TMEM178B: variants seen among roughly 807,000 people sequenced by gnomAD.
TMEM178B encodes the protein transmembrane protein 178B.
Under a neutral mutation model 31.0 loss-of-function variants are expected in TMEM178B, and 5 were observed. The observed-to-expected ratio is 0.16, with a 90% CI of 0.08 to 0.34. TMEM178B has a LOEUF of 0.34. TMEM178B is among the 10% of genes least tolerant of loss of function. TMEM178B has a pLI of 1.00. For missense variants in TMEM178B, 275 were observed against 400.3 expected (o/e 0.69, Z 2.67); for synonymous variants, 164 against 164.0 (o/e 1.00, Z 0.00).
At chr7:141,373,564 A>T (rs1800155902) in intron 2 of TMEM178B, among the ~76,000 whole-genome samples, 1 of 152,226 alleles carries the variant, frequency 6.6e-6, no homozygotes, top group African/African-American at 2.4e-5. Flanking sequence ...GCCTTTGCCA[A>T]CTTATGAGGT....
chr7:141,330,881 G>T (rs1309826036), intron 2 of TMEM178B, among the ~76,000 whole-genome samples: 1 of 152,236 alleles, frequency 6.6e-6, no homozygotes, highest in African/African-American at 2.4e-5. Context: ...GACCAGGAAG[G>T]TAGCAGTGGA....
At chr7:141,272,234 A>C (rs1015758639) in intron 2 of TMEM178B, among the ~76,000 whole-genome samples, 1 of 152,184 alleles carries the variant, frequency 6.6e-6, no homozygotes, top group Non-Finnish European at 1.5e-5. Flanking sequence ...ATACATTCCC[A>C]CATAGTGTTA....
chr7:141,432,746 A>G (rs1206010052), intron 2 of TMEM178B, among the ~76,000 whole-genome samples: 2 of 152,176 alleles, frequency 1.3e-5, no homozygotes, highest in African/African-American at 4.8e-5. Context: ...TTGTTTCTGC[A>G]CACTGTTTTT....
At chr7:141,114,897 A>G (rs2129175615) in intron 1 of TMEM178B, among the ~76,000 whole-genome samples, 1 of 152,318 alleles carries the variant, frequency 6.6e-6, no homozygotes, top group South Asian at 2.1e-4. Flanking sequence ...TTACTTTAGA[A>G]TGTCTTGTAT....
chr7:141,455,938 G>A (rs985965926), intron 3 of TMEM178B, among the ~76,000 whole-genome samples: 1 of 152,236 alleles, frequency 6.6e-6, no homozygotes, highest in African/African-American at 2.4e-5. Context: ...CATGGCATTG[G>A]CTTGAATCAG....
chr7:141,366,656 T>C (rs1228694584), intron 2 of TMEM178B, among the ~76,000 whole-genome samples: 3 of 152,166 alleles, frequency 2.0e-5, no homozygotes, highest in African/African-American at 7.2e-5. Flanking sequence ...TGTTTAGTTT[T>C]CTATAACTTT....
Position 141,478,074 on chromosome 7 carries a change from G to T in TMEM178B, c.*7288G>T, listed in dbSNP as rs997288612. On this transcript the variant is annotated 3_prime_UTR_variant, in exon 4 of 4. Coordinates refer to ENST00000565468, the MANE Select transcript of TMEM178B (RefSeq NM_001195278.2). ...ATAAATGTGGCTTGCAGTGTCAGAA[G>T]CAGGGAGTCTGGCCAAGGGTTGCTA... 2.0e-5 allele frequency: 3 copies of T among 152,784 alleles called. No homozygotes were observed. Among genetic ancestry groups the T allele is most frequent in the Non-Finnish European group, 2.9e-5 (2 of 68,214 alleles). 9.5% of individuals were successfully genotyped at this position (152,784 alleles called of 1,614,324 possible).
intron 1 of TMEM178B, among the ~76,000 whole-genome samples, chr7:141,198,126 G>A (rs949005030): frequency 1.3e-5 from 2 of 152,190 alleles, no homozygotes; most frequent in Non-Finnish European, 2.9e-5. Context: ...AAGGAAAAGT[G>A]GAAAACTCAG....
chr7:141,298,882 G>A (rs1239370145), intron 2 of TMEM178B, among the ~76,000 whole-genome samples: 1 of 152,224 alleles, frequency 6.6e-6, no homozygotes, highest in East Asian at 1.9e-4. Flanking sequence ...GAAAGATATG[G>A]AGAGATCACC....
intron 2 of TMEM178B, among the ~76,000 whole-genome samples, chr7:141,307,213 A>G (rs926815059): frequency 1.3e-5 from 2 of 152,292 alleles, no homozygotes; most frequent in Non-Finnish European, 2.9e-5. Flanking sequence ...GACTGTAACC[A>G]AGTTTAGCCT....
rs1185215629 is a variant in TMEM178B, at chr7:141,215,797, T to C, written c.496+3093T>C. 1.2e-4 allele frequency among the ~76,000 whole-genome samples: 11 copies of C among 91,712 alleles called. No individual in the cohort carries two copies. The East Asian group carries it at 3.0e-3, about 25-fold the overall frequency. The allele number at this position is 91,712 out of a possible 152,430, so 60.2% of individuals were successfully genotyped here. ...ACTTTCCTTTCTTTCTTTCTTTCTT[T>C]CTTTCTTTCTTTCTTTCTTTCTTTC... On this transcript the variant is annotated intron_variant, in intron 2 of 3. Coordinates refer to ENST00000565468, the MANE Select transcript of TMEM178B (RefSeq NM_001195278.2).
At chr7:141,101,027 A>G (rs1411627034) in intron 1 of TMEM178B, among the ~76,000 whole-genome samples, 1 of 152,194 alleles carries the variant, frequency 6.6e-6, no homozygotes, top group Non-Finnish European at 1.5e-5. Flanking sequence ...CCCTCAAGCT[A>G]TTACACCACT....
At chr7:141,173,113 T>G (rs1796373772) in intron 1 of TMEM178B, 1 of 152,096 alleles carries the variant, frequency 6.6e-6, no homozygotes, top group Admixed American at 6.5e-5. Flanking sequence ...GGGGTCTGAG[T>G]CTATATACCA....
At chr7:141,150,888 T>C (rs1457805224) in intron 1 of TMEM178B, among the ~76,000 whole-genome samples, 2 of 152,078 alleles carry the variant, frequency 1.3e-5, no homozygotes, top group Non-Finnish European at 2.9e-5. Context: ...CAGGATAATA[T>C]GGAAGAAAAG....
chr7:141,368,412 A>G (rs921991893), intron 2 of TMEM178B, among the ~76,000 whole-genome samples: 1 of 152,256 alleles, frequency 6.6e-6, no homozygotes, highest in Non-Finnish European at 1.5e-5. Context: ...GCTGTAAGGT[A>G]TAAAGTGCAT....
In TMEM178B at chr7:141,320,239, TTC is replaced by T. The variant is rs1338281031; in HGVS notation, c.496+107537_496+107538del. 2.0e-5 allele frequency among the ~76,000 whole-genome samples: 3 copies of T among 152,318 alleles called. No homozygotes were observed. The East Asian group carries it at 5.8e-4, about 29-fold the overall frequency. On this transcript the variant is annotated intron_variant, in intron 2 of 3. Transcript: ENST00000565468. The stretch of plus-strand genomic sequence containing the variant: ...AAATGTGAGTCAATTAAACCTTTTT[TTC>T]TTTGTAAATTACCCAGTTTCAAGCA...
chr7:141,102,330 A>T (rs1357435798), intron 1 of TMEM178B, among the ~76,000 whole-genome samples: 2 of 152,280 alleles, frequency 1.3e-5, no homozygotes, highest in Middle Eastern at 3.4e-3. Flanking sequence ...GTTTTTATTC[A>T]TAGGCTTTGA....
At chr7:141,441,055 G>A (rs995428562) in intron 3 of TMEM178B, among the ~76,000 whole-genome samples, 2 of 152,196 alleles carry the variant, frequency 1.3e-5, no homozygotes, top group Admixed American at 6.5e-5. Context: ...TCTCTAGTTA[G>A]GGTTCTTTCC....
intron 2 of TMEM178B, among the ~76,000 whole-genome samples, chr7:141,298,270 T>C (rs1798668823): frequency 6.6e-6 from 1 of 152,214 alleles, no homozygotes; most frequent in African/African-American, 2.4e-5. Flanking sequence ...CTTTGTCAGA[T>C]GGGTAGATTG....
Sources: allele counts gnomAD v4.1 joint callset (sites outside exome capture counted in the v4.1 genomes callset), GRCh38; gene constraint gnomAD v4.1.1; transcripts MANE v1.5; gene names NCBI Gene and HGNC (gene_info 2026-07-23, HGNC 2026-07-21).